Variants in CCSER1 observed in about 807,000 individuals in gnomAD.
The protein encoded by CCSER1 is serine-rich coiled-coil domain-containing protein 1.
In CCSER1, 41 loss-of-function variants were observed where a neutral mutation model predicts 82.0. The ratio of observed to expected loss-of-function variants is 0.50; its 90% CI spans 0.39 to 0.65. The LOEUF (loss-of-function observed/expected upper bound fraction) is 0.65, where lower values mean the gene tolerates loss of function less well. CCSER1 is among the 30% of genes least tolerant of loss of function. The pLI, the probability that CCSER1 is intolerant of heterozygous loss-of-function variation, is 0.00. For synonymous variants in CCSER1, 414 were observed against 383.9 expected, an observed-to-expected ratio of 1.08 and a Z score of -0.92; for missense variants, 1,119 against 1,064.2, an observed-to-expected ratio of 1.05 and a Z score of -0.72.
intron 1 of CCSER1, among the ~76,000 whole-genome samples, chr4:90,305,194 GCGT>G (rs1734038885): frequency 1.3e-5 from 2 of 152,170 alleles, no homozygotes; most frequent in Non-Finnish European, 2.9e-5. Context: ...GGGATTACAG[GCGT>G]GAGCCACCGC....
At position 90,844,660 on chromosome 4, in the gene CCSER1, C is replaced by T. The variant is rs563168750; in HGVS notation, c.2094+28815C>T. On this transcript the variant is annotated intron_variant, in intron 8 of 10. Transcript: ENST00000509176. ...TTAAAGTTGCAACCTGTCCCCCACA[C>T]CACTTGTTTCATTCCTATTATCCTG... Among the ~76,000 whole-genome samples the T allele has an allele frequency of 4.6e-5, 7 of 152,282 alleles. 1 individual carries two copies. The South Asian group carries it at 1.2e-3, about 27-fold the overall frequency.
At chr4:90,463,756 A>G (rs1271180272) in intron 4 of CCSER1, among the ~76,000 whole-genome samples, 1 of 152,162 alleles carries the variant, frequency 6.6e-6, no homozygotes, top group African/African-American at 2.4e-5. Flanking sequence ...TAAATAAAAT[A>G]TAATACAAGA....
chr4:90,685,185 T>A (rs1328541477), intron 6 of CCSER1, among the ~76,000 whole-genome samples: 1 of 152,056 alleles, frequency 6.6e-6, no homozygotes, highest in African/African-American at 2.4e-5. Flanking sequence ...CATCTAGAAC[T>A]CAGGCTCTTT....
chr4:91,537,820 T>C (rs1178492986), intron 10 of CCSER1, among the ~76,000 whole-genome samples: 1 of 19,614 alleles, frequency 5.1e-5, no homozygotes, highest in African/African-American at 2.6e-4. Context: ...AACCACATGT[T>C]TTTTTTCTTT....
At chr4:90,841,315 A>G (rs1366404966) in intron 8 of CCSER1, among the ~76,000 whole-genome samples, 1 of 152,186 alleles carries the variant, frequency 6.6e-6, no homozygotes, top group Non-Finnish European at 1.5e-5. Flanking sequence ...ACAGTGGCTC[A>G]CGCCTGTCAT....
chr4:91,206,751 T>C (rs1327847278), intron 10 of CCSER1, among the ~76,000 whole-genome samples: 2 of 151,854 alleles, frequency 1.3e-5, no homozygotes, highest in Non-Finnish European at 2.9e-5. Flanking sequence ...ACAAAGGCCA[T>C]AGTAGACAGC....
At chr4:90,502,653 A>G (rs1770082336) in intron 5 of CCSER1, among the ~76,000 whole-genome samples, 1 of 152,148 alleles carries the variant, frequency 6.6e-6, no homozygotes, top group South Asian at 2.1e-4. Context: ...TGGGAAAAAC[A>G]CCACTTTTTC....
intron 10 of CCSER1, among the ~76,000 whole-genome samples, chr4:91,196,119 G>A (rs72490906): frequency 1.6e-3 from 246 of 151,376 alleles, no homozygotes; most frequent in African/African-American, 5.7e-3. Context: ...CCCGGGAGGC[G>A]GAGCTTGCAG....
chr4:90,365,095 C>A (rs909017406), intron 3 of CCSER1, among the ~76,000 whole-genome samples: 1 of 151,660 alleles, frequency 6.6e-6, no homozygotes. Flanking sequence ...AGTAGTATTG[C>A]ATATATTTTT....
intron 10 of CCSER1, among the ~76,000 whole-genome samples, chr4:91,095,123 C>T (rs1561544555): frequency 6.6e-6 from 1 of 152,136 alleles, no homozygotes. Flanking sequence ...ACTTAATGTC[C>T]TTGCCCCCTA....
chr4:91,049,009 ATACT>A (rs1742764503), intron 9 of CCSER1, among the ~76,000 whole-genome samples: 2 of 152,292 alleles, frequency 1.3e-5, no homozygotes, highest in East Asian at 1.9e-4. Flanking sequence ...GGCTTTTAAC[ATACT>A]TACAGGATGA....
intron 1 of CCSER1, among the ~76,000 whole-genome samples, chr4:90,275,013 G>A (rs1727275439): frequency 6.6e-6 from 1 of 152,062 alleles, no homozygotes; most frequent in South Asian, 2.1e-4. Flanking sequence ...CTTTCTATGA[G>A]CAAATGAAAT....
At position 90,907,036 on chromosome 4, in the gene CCSER1, A is replaced by G. The variant is rs115805475; in HGVS notation, c.2095-16334A>G. On this transcript the variant is annotated intron_variant, in intron 8 of 10. Coordinates refer to ENST00000509176, the MANE Select transcript of CCSER1 (RefSeq NM_001145065.2). ...ATAATGCAATGCTATCCTAACTTGT[A>G]TTGGAATGCAGCCATATAAGCTTCT... Among the ~76,000 whole-genome samples the G allele has an allele frequency of 7.7e-3, 1,179 of 152,276 alleles. 11 individuals carry two copies. Among genetic ancestry groups the G allele is most frequent in the African/African-American group, 0.028 (1,145 of 41,578 alleles).
intron 1 of CCSER1, among the ~76,000 whole-genome samples, chr4:90,299,971 T>C (rs972425209): frequency 2.6e-5 from 4 of 152,134 alleles, no homozygotes. Flanking sequence ...AAATATCTGT[T>C]GTTTTTTTGG....
intron 6 of CCSER1, among the ~76,000 whole-genome samples, chr4:90,691,517 G>T (rs1366763164): frequency 6.6e-6 from 1 of 150,890 alleles, no homozygotes; most frequent in Non-Finnish European, 1.5e-5. Flanking sequence ...TATATTACAT[G>T]TGTACATATC....
chr4:91,463,168 G>T (rs1341441863), intron 10 of CCSER1, among the ~76,000 whole-genome samples: 1 of 152,174 alleles, frequency 6.6e-6, no homozygotes, highest in Non-Finnish European at 1.5e-5. Flanking sequence ...AGCTTCCAGA[G>T]GAATGATCAG....
intron 8 of CCSER1, among the ~76,000 whole-genome samples, chr4:90,882,086 A>T (rs559429235): frequency 6.6e-6 from 1 of 152,200 alleles, no homozygotes; most frequent in South Asian, 2.1e-4. Flanking sequence ...GATATTTTCA[A>T]TATTTAATGC....
At chr4:90,224,053 C>A (rs573827042) in intron 1 of CCSER1, among the ~76,000 whole-genome samples, 1 of 152,104 alleles carries the variant, frequency 6.6e-6, no homozygotes, top group Non-Finnish European at 1.5e-5. Flanking sequence ...TGCCCTAGTA[C>A]TCTTTTCAGT....
intron 10 of CCSER1, among the ~76,000 whole-genome samples, chr4:91,518,895 G>C (rs1358418094): frequency 6.6e-6 from 1 of 152,196 alleles, no homozygotes; most frequent in Non-Finnish European, 1.5e-5. Context: ...GGTGAAGAGT[G>C]GGGGTTAGGC....
Sources: gnomAD v4.1 joint callset for allele counts (sites outside exome capture counted in the v4.1 genomes callset) on GRCh38, gnomAD v4.1.1 for gene constraint, MANE v1.5 for transcripts, NCBI Gene and HGNC (gene_info 2026-07-23, HGNC 2026-07-21) for gene names.